The following AGBL4 variants were observed in gnomAD, a reference collection of about 807,000 sequenced individuals.
The protein encoded by AGBL4 is AGBL carboxypeptidase 4.
Under a neutral mutation model 66.4 loss-of-function variants are expected in AGBL4, and 58 were observed. That is an observed-to-expected ratio of 0.87 (90% confidence interval 0.71 to 1.09). AGBL4 has a LOEUF of 1.09. Ranked by LOEUF, AGBL4 falls within the 50% of genes least tolerant of loss-of-function variation. AGBL4 has a pLI of 0.00. For synonymous variants in AGBL4, 234 were observed against 222.9 expected (o/e 1.05, Z -0.44); for missense variants, 579 against 631.0 (o/e 0.92, Z 0.88).
chr1:48,788,556 A>T (rs982118889), intron 6 of AGBL4, among the ~76,000 whole-genome samples: 2 of 152,234 alleles, frequency 1.3e-5, no homozygotes, highest in African/African-American at 4.8e-5. Context: ...TATATTTAAA[A>T]CATGGCTTCA....
intron 3 of AGBL4, among the ~76,000 whole-genome samples, chr1:49,631,326 C>T (rs1645565981): frequency 6.6e-6 from 1 of 152,194 alleles, no homozygotes. Context: ...TCTTTGTAAA[C>T]TACCAAAGTG....
At chr1:49,219,613 C>T (rs1649344524) in intron 4 of AGBL4, among the ~76,000 whole-genome samples, 2 of 152,124 alleles carry the variant, frequency 1.3e-5, no homozygotes, top group Non-Finnish European at 2.9e-5. Context: ...AGAAAACCTC[C>T]CATCATATAG....
intron 3 of AGBL4, among the ~76,000 whole-genome samples, chr1:49,572,615 T>C (rs1644354392): frequency 6.6e-6 from 1 of 152,232 alleles, no homozygotes; most frequent in Non-Finnish European, 1.5e-5. Context: ...CCATTTCTTC[T>C]AGATTTTCTA....
chr1:49,562,121 G>T (rs905502309), intron 3 of AGBL4, among the ~76,000 whole-genome samples: 5 of 151,964 alleles, frequency 3.3e-5, no homozygotes, highest in Non-Finnish European at 5.9e-5. Context: ...GAGAAGTGTG[G>T]GTTCATATCC....
intron 3 of AGBL4, among the ~76,000 whole-genome samples, chr1:49,665,305 T>C (rs1047704557): frequency 3.9e-5 from 6 of 152,194 alleles, no homozygotes; most frequent in Non-Finnish European, 8.8e-5. Context: ...GTTTTTGTTT[T>C]TGTTTTTATT....
intron 5 of AGBL4, among the ~76,000 whole-genome samples, chr1:48,886,556 AT>A (rs1226929148): frequency 1.3e-5 from 2 of 151,830 alleles, no homozygotes; most frequent in African/African-American, 4.8e-5. Flanking sequence ...TTTATTTTTT[AT>A]TTATTATTTT....
chr1:49,768,068 G>A (rs1225232781), intron 2 of AGBL4, among the ~76,000 whole-genome samples: 1 of 151,752 alleles, frequency 6.6e-6, no homozygotes, highest in East Asian at 1.9e-4. Context: ...AGACCTGATG[G>A]ATTCACAGCC....
At chr1:49,617,000 T>C (rs548041748) in intron 3 of AGBL4, among the ~76,000 whole-genome samples, 1 of 152,298 alleles carries the variant, frequency 6.6e-6, no homozygotes, top group South Asian at 2.1e-4. Context: ...ATTTTCTACA[T>C]AGAGGGCAAT....
At chr1:48,991,160 T>G (rs1264521807) in intron 5 of AGBL4, among the ~76,000 whole-genome samples, 1 of 152,228 alleles carries the variant, frequency 6.6e-6, no homozygotes, top group Non-Finnish European at 1.5e-5. Context: ...AGGTCTGGTG[T>G]TGATGAAATC....
intron 6 of AGBL4, among the ~76,000 whole-genome samples, chr1:48,813,288 A>G (rs1408549660): frequency 6.6e-6 from 1 of 152,198 alleles, no homozygotes; most frequent in African/African-American, 2.4e-5. Context: ...CAATATATGA[A>G]GAAGAAACAG....
chr1:49,032,733 A>T (rs1664333222), intron 5 of AGBL4, among the ~76,000 whole-genome samples: 1 of 152,144 alleles, frequency 6.6e-6, no homozygotes, highest in African/African-American at 2.4e-5. Context: ...ACATGCTGAT[A>T]GTTTGAAGTA....
At chr1:48,974,950 T>C (rs1009007863) in intron 5 of AGBL4, among the ~76,000 whole-genome samples, 1 of 152,154 alleles carries the variant, frequency 6.6e-6, no homozygotes, top group African/African-American at 2.4e-5. Flanking sequence ...CATAATCTAG[T>C]CTGCTGAGCT....
chr1:49,579,037 A>C (rs1456019864), intron 3 of AGBL4, among the ~76,000 whole-genome samples: 3 of 152,140 alleles, frequency 2.0e-5, no homozygotes, highest in African/African-American at 7.2e-5. Context: ...AAGGAGAGAA[A>C]GGCCTAGCCT....
At chr1:49,601,684 C>T (rs996687015) in intron 3 of AGBL4, among the ~76,000 whole-genome samples, 1 of 152,152 alleles carries the variant, frequency 6.6e-6, no homozygotes, top group African/African-American at 2.4e-5. Context: ...CTTCCCTACA[C>T]CTTATGCAAA....
At chr1:48,758,758 T>A (rs1228997286) in intron 6 of AGBL4, 1 of 687,530 alleles carries the variant, frequency 1.5e-6, no homozygotes, top group African/African-American at 1.8e-5. Context: ...GACTCTTCCT[T>A]GAGGTAACTG....
intron 3 of AGBL4, among the ~76,000 whole-genome samples, chr1:49,555,593 T>C (rs1466586695): frequency 6.6e-6 from 1 of 150,958 alleles, no homozygotes; most frequent in Non-Finnish European, 1.5e-5. Flanking sequence ...TGTGTCTAGC[T>C]AATCTAGTGG....
intron 3 of AGBL4, among the ~76,000 whole-genome samples, chr1:49,592,744 G>A (rs780158020): frequency 6.6e-6 from 1 of 152,194 alleles, no homozygotes; most frequent in Non-Finnish European, 1.5e-5. Context: ...AATAACAGAT[G>A]CTGGTGAGGT....
At chr1:49,915,207 C>G (rs1374452427) in intron 1 of AGBL4, among the ~76,000 whole-genome samples, 1 of 152,096 alleles carries the variant, frequency 6.6e-6, no homozygotes, top group Admixed American at 6.5e-5. Context: ...GTACTGGGTT[C>G]ATCTCACTGG....
intron 6 of AGBL4, among the ~76,000 whole-genome samples, chr1:48,758,657 C>T (rs979404305): frequency 6.6e-6 from 1 of 152,194 alleles, no homozygotes; most frequent in Non-Finnish European, 1.5e-5. Context: ...ATTTTGTCAG[C>T]TCTTAGTCTC....
Sources: gnomAD v4.1 joint callset for allele counts (sites outside exome capture counted in the v4.1 genomes callset) on GRCh38, gnomAD v4.1.1 for gene constraint, MANE v1.5 for transcripts, NCBI Gene and HGNC (gene_info 2026-07-23, HGNC 2026-07-21) for gene names.